REG4: variants seen among roughly 807,000 people sequenced by gnomAD.
The protein encoded by REG4 is regenerating family member 4, also known as regenerating islet-derived protein 4.
In REG4, 16 loss-of-function variants were observed where a neutral mutation model predicts 22.3. The ratio of observed to expected loss-of-function variants is 0.72; its 90% CI spans 0.49 to 1.09. The LOEUF is 1.09. Ranked by LOEUF, REG4 falls within the 50% of genes least tolerant of loss-of-function variation. The pLI is 0.00. For missense variants in REG4, 214 were observed against 193.9 expected, an observed-to-expected ratio of 1.10 and a Z score of -0.61; for synonymous variants, 71 against 69.2, an observed-to-expected ratio of 1.03 and a Z score of -0.13.
chr1:119,794,870 C>T (rs1009581195), intron 5 of REG4, among the ~76,000 whole-genome samples, 185 bp from the exon 6 acceptor site: 14 of 152,136 alleles, frequency 9.2e-5, no homozygotes, highest in Admixed American at 3.9e-4. Flanking sequence ...CTGTGATTAA[C>T]GTTTAACAAT....
chr1:119,794,125 A>C lies in REG4; in HGVS notation c.*493T>G, dbSNP rs761546742. Reference sequence around the variant, plus strand: ...GGTTTATTAAAGGAATGTATGGCCCACATCAACCTAGCAAGGATTCTACTG... The same window carrying C: ...GGTTTATTAAAGGAATGTATGGCCCCCATCAACCTAGCAAGGATTCTACTG... On this transcript the variant is annotated 3_prime_UTR_variant, in exon 6 of 6. Transcript: ENST00000256585. 1.9e-6 allele frequency: 1 copy of C among 533,792 alleles called. No homozygotes were observed. Among genetic ancestry groups the C allele is most frequent in the South Asian group, 1.4e-5 (1 of 71,580 alleles). 33.1% of individuals were successfully genotyped at this position (533,792 alleles called of 1,614,324 possible). A position where few individuals can be genotyped will look rare whatever the true frequency, so the allele number is the denominator to read the frequency against.
Position 119,803,111 on chromosome 1 carries a change from C to T in REG4, c.122G>A (p.Cys41Tyr). 1 of 1,553,408 alleles carries T rather than the reference C, an allele frequency of 6.4e-7. No individual in the cohort carries two copies. The highest frequency in any genetic ancestry group is 1.4e-5 in the African/African-American group (1 of 72,830). The change falls in exon 3 of 6, where the codon TGC becomes TAC. Residue 41 changes from cysteine to tyrosine, a missense_variant. Cys to Tyr is a radical substitution (Grantham distance 194). Transcript: ENST00000256585. Reference sequence around the variant, plus strand: ...CCTCAGCTTCCTGAAGTAACCATAGCAATTGGACTTGTGGTAAAACCATCC... The same window carrying T: ...CCTCAGCTTCCTGAAGTAACCATAGTAATTGGACTTGTGGTAAAACCATCC... ...APGWFYHKSN[C>Y]YGYFRKLRNW...
chr1:119,805,932 C>T (rs1654300774), intron 2 of REG4, among the ~76,000 whole-genome samples: 1 of 152,060 alleles, frequency 6.6e-6, no homozygotes, highest in Admixed American at 6.6e-5. Flanking sequence ...GGCCGCTCTG[C>T]TGCGCTATGG....
chr1:119,805,002 C>T (rs1212875671), intron 2 of REG4, among the ~76,000 whole-genome samples: 2 of 152,182 alleles, frequency 1.3e-5, no homozygotes, highest in South Asian at 2.1e-4. Context: ...GGATGGTCAT[C>T]TGCCCACGGT....
intron 4 of REG4, among the ~76,000 whole-genome samples, chr1:119,799,409 T>TACACACACACAC (rs58324924): frequency 6.7e-6 from 1 of 150,240 alleles, no homozygotes; most frequent in East Asian, 2.0e-4. Flanking sequence ...CCTGTGTGCG[T>TACACACACACAC]ACACACACAC....
rs200471859 is a variant in REG4, at chr1:119,796,266, C to T, written c.410-1581G>A. On this transcript the variant is annotated intron_variant, in intron 5 of 5. Transcript: ENST00000256585. ...AGAATGCAGAACCCATGCTCTTGAC[C>T]TCAACGTATACTGAATATGAAATTT... is the stretch of plus-strand genomic sequence containing the variant. 1.1e-4 allele frequency among the ~76,000 whole-genome samples: 17 copies of T among 152,258 alleles called. No individual in the cohort carries two copies. The East Asian group carries it at 3.3e-3, about 29-fold the overall frequency.
At chr1:119,810,816 G>T (rs1461568067) in intron 1 of REG4, among the ~76,000 whole-genome samples, 2 of 152,186 alleles carry the variant, frequency 1.3e-5, no homozygotes, top group African/African-American at 2.4e-5. Flanking sequence ...ACTTTGAGAG[G>T]CTGAGGCAGG....
rs1399879139 is a variant in REG4, at chr1:119,799,806, C to T, written c.222G>A (p.Lys74=). The change falls in exon 4 of 6, where the codon AAG becomes AAA. Residue 74 remains lysine, a synonymous_variant. Coordinates refer to ENST00000256585, the MANE Select transcript of REG4 (RefSeq NM_032044.4). ...TGTACTCTGCTATGGTGCTGGCTTCCTTTAAACTCAGGATAGATGCCAGGT... is the reference window on the plus strand; with the variant it reads ...TGTACTCTGCTATGGTGCTGGCTTCTTTTAAACTCAGGATAGATGCCAGGT... ...GAHLASILSL[K]EASTIAEYIS... 2.5e-6 allele frequency: 4 copies of T among 1,614,062 alleles called. No homozygotes were observed. The highest frequency in any genetic ancestry group is 3.4e-6 in the Non-Finnish European group (4 of 1,180,046).
chr1:119,799,409 TAC>T (rs58324924), intron 4 of REG4, among the ~76,000 whole-genome samples: 305 of 150,342 alleles, frequency 2.0e-3, no homozygotes, highest in South Asian at 0.013. Flanking sequence ...CCTGTGTGCG[TAC>T]ACACACACAC....
chr1:119,800,102 G>A (rs1317457665), intron 3 of REG4, among the ~76,000 whole-genome samples: 2 of 152,158 alleles, frequency 1.3e-5, no homozygotes, highest in African/African-American at 2.4e-5. Context: ...GTCTGAGGAC[G>A]TGCCCGGGGT....
rs1196346317 is a variant in REG4 at position 119,799,834 on chromosome 1, G to T, written c.194C>A (p.Ala65Asp). The T allele has an allele frequency of 6.2e-7, 1 of 1,614,106 alleles. No homozygotes were observed. The highest frequency in any genetic ancestry group is 1.1e-5 in the South Asian group (1 of 91,054). Residue 65 changes from alanine to aspartate, a missense_variant, in exon 4 of 6, where the codon GCC becomes GAC. Ala to Asp is a moderately radical substitution (Grantham distance 126, BLOSUM62 -2). Coordinates refer to ENST00000256585, the MANE Select transcript of REG4 (RefSeq NM_032044.4). The stretch of plus-strand genomic sequence containing the variant: ...TAAACTCAGGATAGATGCCAGGTGG[G>T]CTCCGTTTCCGTAAGACTGACACTC... Reference protein sequence around the residue: ...ELECQSYGNGAHLASILSLKE... With the variant: ...ELECQSYGNGDHLASILSLKE...
At chr1:119,801,175 G>A (rs1654086148) in intron 3 of REG4, 1 of 152,132 alleles carries the variant, frequency 6.6e-6, no homozygotes, top group African/African-American at 2.4e-5. Context: ...ATATATATGG[G>A]TGTATGTATA....
Position 119,798,616 on chromosome 1 carries a change from A to C in REG4, c.304-14T>G. ...CCACTGCTGCCTCTGCAACAACAGG[A>C]GATGGAGAAGTGTACAGCTCAGCAA... On this transcript the variant is annotated splice_polypyrimidine_tract_variant and intron_variant, in intron 4 of 5. Transcript: ENST00000256585. 1.9e-6 allele frequency: 3 copies of C among 1,610,100 alleles called. No individual in the cohort carries two copies. Among genetic ancestry groups the C allele is most frequent in the South Asian group, 2.2e-5 (2 of 91,010 alleles).
intron 4 of REG4, among the ~76,000 whole-genome samples, chr1:119,799,489 T>C (rs1410483431): frequency 2.6e-5 from 4 of 151,964 alleles, no homozygotes; most frequent in South Asian, 2.1e-4. Flanking sequence ...TGTTCTGCCA[T>C]TCAGGAGGGC....
At chr1:119,804,904 G>A (rs1654249618) in intron 2 of REG4, among the ~76,000 whole-genome samples, 1 of 151,928 alleles carries the variant, frequency 6.6e-6, no homozygotes, top group African/African-American at 2.4e-5. Context: ...CCTGCAAGGT[G>A]CTTTCTTGAT....
intron 3 of REG4, 106 bp downstream of exon 3, chr1:119,802,962 C>T: frequency 6.4e-7 from 1 of 1,573,900 alleles, no homozygotes; most frequent in Non-Finnish European, 8.6e-7. Flanking sequence ...GGCTTCTCTT[C>T]ATAGTGCCCA....
intron 1 of REG4, among the ~76,000 whole-genome samples, chr1:119,809,931 TTTTATA>T (rs1355624734): frequency 6.6e-6 from 1 of 152,194 alleles, no homozygotes. Context: ...TTGAACATCT[TTTTATA>T]TAATGATTTG....
chr1:119,803,039 C>A, intron 3 of REG4, 29 bp downstream of exon 3: 1 of 1,611,360 alleles, frequency 6.2e-7, no homozygotes. Flanking sequence ...TCTAGAAAGG[C>A]CAGGCCAAGC....
intron 3 of REG4, chr1:119,802,464 A>C: frequency 2.0e-6 from 2 of 1,009,898 alleles, no homozygotes; most frequent in Non-Finnish European, 2.4e-6. Flanking sequence ...AAATGTACCT[A>C]TATGGCTCCC....
Sources: allele counts gnomAD v4.1 joint callset (sites outside exome capture counted in the v4.1 genomes callset), GRCh38; gene constraint gnomAD v4.1.1; transcripts MANE v1.5; gene names NCBI Gene and HGNC (gene_info 2026-07-23, HGNC 2026-07-21).